The following DYNC1I1 variants were observed in gnomAD, a reference collection of about 807,000 sequenced individuals.
DYNC1I1 encodes dynein cytoplasmic 1 intermediate chain 1.
A neutral mutation model predicts 86.6 loss-of-function variants in DYNC1I1; 43 were observed. The observed-to-expected ratio is 0.50, with a 90% CI of 0.39 to 0.64. DYNC1I1 has a LOEUF of 0.64. Ranked by LOEUF, DYNC1I1 falls within the 30% of genes least tolerant of loss-of-function variation. The pLI, the probability that DYNC1I1 is intolerant of heterozygous loss-of-function variation, is 0.00. For missense variants in DYNC1I1, 604 were observed against 788.8 expected (o/e 0.77, Z 2.81); for synonymous variants, 262 against 283.7 (o/e 0.92, Z 0.77).
intron 16 of DYNC1I1, among the ~76,000 whole-genome samples, chr7:96,088,314 T>C (rs1790743406): frequency 6.6e-6 from 1 of 152,188 alleles, no homozygotes; most frequent in Non-Finnish European, 1.5e-5. Context: ...TTAATGTGTG[T>C]ATAGTAATTT....
intron 6 of DYNC1I1, among the ~76,000 whole-genome samples, chr7:95,894,728 T>G (rs1037463419): frequency 6.6e-6 from 1 of 152,208 alleles, no homozygotes; most frequent in Admixed American, 6.5e-5. Flanking sequence ...AGCATAAAAA[T>G]CTGTGCTTCG....
intron 6 of DYNC1I1, among the ~76,000 whole-genome samples, chr7:95,936,505 G>C (rs1324043075): frequency 6.6e-6 from 1 of 151,538 alleles, no homozygotes; most frequent in Non-Finnish European, 1.5e-5. Context: ...GGTGAAACAA[G>C]GTGTGTTTAA....
At position 95,954,494 on chromosome 7, in the gene DYNC1I1, C is replaced by T. The variant is rs75906755; in HGVS notation, c.491-23018C>T. Among the ~76,000 whole-genome samples, 965 of 151,904 alleles carry T rather than the reference C, an allele frequency of 6.4e-3. 4 individuals carry two copies. The highest frequency in any genetic ancestry group is 1.0e-2 in the Non-Finnish European group (677 of 67,950). ...GCTTATAGAATCTCTTGGTCTTTGG[C>T]CACTCATCACTTTTACAATGATCAG... On this transcript the variant is annotated intron_variant, in intron 6 of 16. Transcript: ENST00000447467.
chr7:95,892,391 A>G (rs868830618), intron 6 of DYNC1I1, among the ~76,000 whole-genome samples: 2 of 151,402 alleles, frequency 1.3e-5, no homozygotes, highest in Non-Finnish European at 2.9e-5. Context: ...GCTCACTGCA[A>G]GCTCCACCTC....
rs574764351 is a variant in DYNC1I1, at chr7:95,973,267, C to G, written c.491-4245C>G. 1.8e-3 allele frequency among the ~76,000 whole-genome samples: 269 copies of G among 152,284 alleles called. 3 individuals are homozygous for G. The highest frequency in any genetic ancestry group is 6.3e-3 in the African/African-American group (260 of 41,566). ...TTTAAAGAAAAATATACTCTCTTTG[C>G]TGAGCAAGGCAAACATATCAGTATG... On this transcript the variant is annotated intron_variant, in intron 6 of 16. Coordinates refer to ENST00000447467, the MANE Select transcript of DYNC1I1 (RefSeq NM_001135556.2).
At position 95,778,363 on chromosome 7, in the gene DYNC1I1, GT is replaced by G. The variant is rs561328547; in HGVS notation, c.-10+5591del. 2.9e-4 allele frequency among the ~76,000 whole-genome samples: 44 copies of G among 152,322 alleles called. No individual in the cohort carries two copies. In the South Asian group the frequency reaches 4.3e-3, roughly 15 times the overall value. On this transcript the variant is annotated intron_variant, in intron 1 of 16. Transcript: ENST00000447467. ...CCTGCAGGCTCTTTAGAAAGCCACT[GT>G]GGAGGCCAGGGGTATGCAAATGCCA...
chr7:96,102,616 C>T (rs1185018499), downstream of DYNC1I1, among the ~76,000 whole-genome samples: 1 of 152,142 alleles, frequency 6.6e-6, no homozygotes, highest in Non-Finnish European at 1.5e-5. Context: ...TTGGCATGCA[C>T]AACTTTGGGT....
chr7:96,028,539 G>A (rs909293554), intron 11 of DYNC1I1, among the ~76,000 whole-genome samples: 4 of 152,148 alleles, frequency 2.6e-5, no homozygotes, highest in African/African-American at 9.7e-5. Flanking sequence ...TAGCATGTAG[G>A]GAGGATCTCC....
intron 10 of DYNC1I1, among the ~76,000 whole-genome samples, chr7:96,027,637 ATCAGTCTGAGG>A (rs1482601706): frequency 6.6e-6 from 1 of 152,198 alleles, no homozygotes; most frequent in East Asian, 1.9e-4. Flanking sequence ...AGCCAATTGG[ATCAGTCTGAGG>A]TCAGTATACT....
intron 6 of DYNC1I1, among the ~76,000 whole-genome samples, chr7:95,912,221 G>T (rs903921978): frequency 3.3e-5 from 5 of 152,272 alleles, no homozygotes; most frequent in Non-Finnish European, 7.4e-5. Context: ...ATTATTAGTA[G>T]AGAGGGGGTT....
At chr7:96,011,482 GC>G (rs1168387670) in intron 10 of DYNC1I1, among the ~76,000 whole-genome samples, 3 of 152,136 alleles carry the variant, frequency 2.0e-5, no homozygotes, top group African/African-American at 7.2e-5. Context: ...CAAAGTAGGT[GC>G]CAAATATTAA....
intron 16 of DYNC1I1, chr7:96,109,930 T>C (rs1282356166): frequency 3.5e-6 from 1 of 282,178 alleles, no homozygotes; most frequent in Non-Finnish European, 7.0e-6. Flanking sequence ...AAATCTTCTA[T>C]ATATGTACTG....
At chr7:95,934,276 G>A (rs562346249) in intron 6 of DYNC1I1, among the ~76,000 whole-genome samples, 13 of 152,144 alleles carry the variant, frequency 8.5e-5, no homozygotes, top group South Asian at 6.2e-4. Flanking sequence ...AGGGTATACC[G>A]GTACACTATT....
chr7:95,943,372 G>T (rs1254785652), intron 6 of DYNC1I1, among the ~76,000 whole-genome samples: 1 of 151,912 alleles, frequency 6.6e-6, no homozygotes, highest in Non-Finnish European at 1.5e-5. Context: ...TGAAATAAAA[G>T]AGGATAGAAA....
chr7:95,845,442 A>G (rs1195490402), intron 5 of DYNC1I1, among the ~76,000 whole-genome samples: 2 of 152,228 alleles, frequency 1.3e-5, no homozygotes, highest in Non-Finnish European at 2.9e-5. Flanking sequence ...GCCTTTAATG[A>G]AGAAAGACCT....
chr7:96,067,163 G>C (rs768616531), intron 14 of DYNC1I1, among the ~76,000 whole-genome samples: 1 of 151,872 alleles, frequency 6.6e-6, no homozygotes, highest in Admixed American at 6.6e-5. Flanking sequence ...AGCTATCACC[G>C]GCATCTAGAC....
At chr7:95,776,624 C>G (rs145923070) in intron 1 of DYNC1I1, among the ~76,000 whole-genome samples, 1 of 152,162 alleles carries the variant, frequency 6.6e-6, no homozygotes, top group African/African-American at 2.4e-5. Context: ...TGAAATGTAT[C>G]GAAGACAAAG....
chr7:96,103,546 A>T (rs1791167641), intron 16 of DYNC1I1, among the ~76,000 whole-genome samples: 2 of 152,094 alleles, frequency 1.3e-5, no homozygotes, highest in Admixed American at 6.5e-5. Context: ...TTCAAAGCAT[A>T]CCAATGGCTT....
At chr7:95,875,730 T>G (rs1790293340) in intron 6 of DYNC1I1, among the ~76,000 whole-genome samples, 1 of 152,234 alleles carries the variant, frequency 6.6e-6, no homozygotes, top group Non-Finnish European at 1.5e-5. Flanking sequence ...TGATGTCCTT[T>G]GTCCACCTGG....
Sources: gnomAD v4.1 joint callset for allele counts (sites outside exome capture counted in the v4.1 genomes callset) on GRCh38, gnomAD v4.1.1 for gene constraint, MANE v1.5 for transcripts, NCBI Gene and HGNC (gene_info 2026-07-23, HGNC 2026-07-21) for gene names.